Variants in HR observed in about 807,000 individuals in gnomAD.
HR encodes the protein HR lysine demethylase and nuclear receptor corepressor, also known as lysine-specific demethylase hairless.
In HR, 83 loss-of-function variants were observed where a neutral mutation model predicts 128.6. The observed-to-expected ratio is 0.65, with a 90% CI of 0.54 to 0.77. The LOEUF (loss-of-function observed/expected upper bound fraction) is 0.77, where lower values mean the gene tolerates loss of function less well. Among genes scored for constraint, HR ranks in the 30% least tolerant of loss-of-function variants. The pLI, the probability that HR is intolerant of heterozygous loss-of-function variation, is 0.00. For missense variants in HR, 1,490 were observed against 1,574.6 expected, an observed-to-expected ratio of 0.95 and a Z score of 0.91; for synonymous variants, 681 against 658.2, an observed-to-expected ratio of 1.03 and a Z score of -0.53.
At chr8:22,120,282 C>T (rs1358324124) in intron 12 of HR, 60 bp downstream of exon 12, 29 of 1,612,506 alleles carry the variant, frequency 1.8e-5, no homozygotes, top group Middle Eastern at 1.7e-4. Flanking sequence ...GACTCCTCTG[C>T]CACCCGATCC....
chr8:22,127,934 C>G, intron 2 of HR, 105 bp from the exon 3 acceptor site: 1 of 1,159,570 alleles, frequency 8.6e-7, no homozygotes, highest in Non-Finnish European at 1.3e-6. Context: ...TACTGAAGCC[C>G]TCACATTCTG....
At chr8:22,125,076 C>G (rs961491444) in intron 5 of HR, among the ~76,000 whole-genome samples, 1 of 152,260 alleles carries the variant, frequency 6.6e-6, no homozygotes, top group Non-Finnish European at 1.5e-5. Flanking sequence ...AGCTCCCCCA[C>G]CTCCCAGTGC....
At position 22,120,336 on chromosome 8, in the gene HR, A is replaced by T. The variant is rs1282075894; in HGVS notation, c.2776+6T>A. 1.2e-6 allele frequency: 2 copies of T among 1,613,704 alleles called. No homozygotes were observed. Among genetic ancestry groups the T allele is most frequent in the East Asian group, 2.2e-5 (1 of 44,858 alleles). On this transcript the variant is annotated splice_donor_region_variant and intron_variant, in intron 12 of 18. Coordinates refer to ENST00000381418, the MANE Select transcript of HR (RefSeq NM_005144.5). ...GCTCCCTCTCCCCTGTGTTGGGGACACTTACGCTCAGGCCAGGAGAAGCCC... is the reference window on the plus strand; with the variant it reads ...GCTCCCTCTCCCCTGTGTTGGGGACTCTTACGCTCAGGCCAGGAGAAGCCC...
rs139885496 is a variant in HR at position 22,127,147 on chromosome 8, G to T, written c.1295C>A (p.Pro432Gln). ...TTCTGCAGTGCCTGGAAAAGGGTCC[G>T]GTGGCCGCTTGGGGGCTGGACTGCC... ...AMGSPAPKRP[P>Q]DPFPGTAEQG... The change falls in exon 3 of 19, where the codon CCG becomes CAG. Residue 432 changes from proline (P) to glutamine (Q), a missense_variant. Physicochemically the swap from Pro to Gln is moderately conservative, Grantham distance 76 (BLOSUM62 -1). Around this residue, in one of 3 missense-constraint regions of HR, gnomAD observed 1,060 missense variants for 1,060.9 expected, o/e 1.00. Coordinates refer to ENST00000381418, the MANE Select transcript of HR (RefSeq NM_005144.5). 3.0e-5 allele frequency: 49 copies of T among 1,612,198 alleles called. No individual in the cohort carries two copies. The highest frequency in any genetic ancestry group is 4.0e-5 in the Non-Finnish European group (47 of 1,179,584).
rs1826720431 is a variant in HR at position 22,120,646 on chromosome 8, C to T, written c.2610+70G>A. On this transcript the variant is annotated intron_variant, in intron 11 of 18. Coordinates refer to ENST00000381418, the MANE Select transcript of HR (RefSeq NM_005144.5). ...CCCTGAGCCACTGGGTCTGTCTGGG[C>T]CTAGGGACCAAGGCCCCGAGGGGCA... The T allele has an allele frequency of 2.6e-6, 4 of 1,549,836 alleles. No homozygotes were observed. In the Admixed American group the frequency reaches 5.6e-5, roughly 22 times the overall value.
rs1237030510 is a variant in HR at position 22,120,404 on chromosome 8, C to A, written c.2714G>T (p.Gly905Val). ...GGQVQALSPL[G>V]PPQPSSLGST... is the part of the protein sequence containing the mutation. ...GCCCAGGCTGCTGGGCTGGGGAGGTCCGAGGGGGCTCAGCGCCTGCACCTG... is the reference window on the plus strand; with the variant it reads ...GCCCAGGCTGCTGGGCTGGGGAGGTACGAGGGGGCTCAGCGCCTGCACCTG... Residue 905 changes from glycine to valine, a missense_variant, in exon 12 of 19, where the codon GGA becomes GTA. Around this residue, in one of 3 missense-constraint regions of HR, gnomAD observed 423 missense variants for 495.9 expected, o/e 0.85. Coordinates refer to ENST00000381418, the MANE Select transcript of HR (RefSeq NM_005144.5). The A allele has an allele frequency of 1.9e-6, 3 of 1,613,812 alleles. No homozygotes were observed. The highest frequency in any genetic ancestry group is 2.5e-6 in the Non-Finnish European group (3 of 1,180,024).
chr8:22,116,184 C>T lies in HR; in HGVS notation c.3507+116G>A. 1 of 1,434,504 alleles carries T rather than the reference C, an allele frequency of 7.0e-7. No homozygotes were observed. The highest frequency in any genetic ancestry group is 9.7e-7 in the Non-Finnish European group (1 of 1,025,876). The allele number at this position is 1,434,504 out of a possible 1,614,324, so 88.9% of individuals were successfully genotyped here. On this transcript the variant is annotated intron_variant, in intron 18 of 18. Coordinates refer to ENST00000381418, the MANE Select transcript of HR (RefSeq NM_005144.5). This position sits in a 1 kb window ranked among gnomAD's most constrained non-coding sequence, Gnocchi z 4.2. ...ACAAAAGGAATACTCTGCCCCTGCA[C>T]AGGGTGGCTGCCTGCTTGGCACAGG...
At position 22,127,506 on chromosome 8, in the gene HR, T is replaced by A. The variant is rs1434692388; in HGVS notation, c.936A>T (p.Pro312=). 3 of 1,612,706 alleles carry A rather than the reference T, an allele frequency of 1.9e-6. No individual in the cohort carries two copies. Among genetic ancestry groups the A allele is most frequent in the Non-Finnish European group, 2.5e-6 (3 of 1,179,670 alleles). Residue 312 remains proline (P), a synonymous_variant, in exon 3 of 19, where the codon CCA becomes CCT. Transcript: ENST00000381418. ...CAGGCGGCTCAGGAGAGGGGCACCT[T>A]GGTGTTGCTGGTGGCCCCAGCTGGT... The part of the protein sequence containing the change: ...LGYQLGPPAT[P]RCPSPEPPVT...
At chr8:22,120,229 G>A (rs1826703225) in intron 12 of HR, 56 bp from the exon 13 acceptor site, 11 of 1,598,800 alleles carry the variant, frequency 6.9e-6, no homozygotes, top group Non-Finnish European at 7.7e-6. Context: ...CCCCTGCCCC[G>A]GCGGCAGCAA....
At chr8:22,118,925 G>A in intron 16 of HR, 25 bp downstream of exon 16, 1 of 1,593,320 alleles carries the variant, frequency 6.3e-7, no homozygotes, top group East Asian at 2.2e-5. Context: ...GGGGGGAAGG[G>A]GAGGGCTCCC....
rs955650245 is a variant in HR, at chr8:22,115,623, T to A, written c.*77A>T. ...GAAATCCCCAAGTCCCCTAGCGCCA[T>A]CCCCTGCTGAAGTTGTGCCTGGGCT... On this transcript the variant is annotated 3_prime_UTR_variant, in exon 19 of 19. Coordinates refer to ENST00000381418, the MANE Select transcript of HR (RefSeq NM_005144.5). 8.1e-7 allele frequency: 1 copy of A among 1,231,910 alleles called. No individual in the cohort carries two copies. The highest frequency in any genetic ancestry group is 1.2e-6 in the Non-Finnish European group (1 of 834,406). The allele number at this position is 1,231,910 out of a possible 1,614,324, so 76.3% of individuals were successfully genotyped here.
rs1826586034 is a variant in HR, at chr8:22,116,346, T to A, written c.3461A>T (p.His1154Leu). 7 of 1,612,970 alleles carry A rather than the reference T, an allele frequency of 4.3e-6. No individual in the cohort carries two copies. The highest frequency in any genetic ancestry group is 5.9e-6 in the Non-Finnish European group (7 of 1,179,902). Reference protein sequence around the residue: ...ETSALSAQLCHQGPSLPPDCH... With the variant: ...ETSALSAQLCLQGPSLPPDCH... Reference sequence around the variant, plus strand: ...GTCAGGGGGAAGGCTGGGTCCCTGGTGGCAGAGCTGAGCAGAGAGGGCAGA... The same window carrying A: ...GTCAGGGGGAAGGCTGGGTCCCTGGAGGCAGAGCTGAGCAGAGAGGGCAGA... Residue 1154 changes from histidine to leucine, a missense_variant, in exon 18 of 19, where the codon CAC becomes CTC. Transcript: ENST00000381418. The surrounding 1 kb of genome is among the most constrained non-coding windows in gnomAD (Gnocchi z 4.2).
Position 22,127,117 on chromosome 8 carries a change from C to T in HR, c.1325G>A (p.Gly442Glu). The change falls in exon 3 of 19, where the codon GGG becomes GAG. Residue 442 changes from glycine to glutamate, a missense_variant. Physicochemically the swap from Gly to Glu is moderately conservative, Grantham distance 98 (BLOSUM62 -2). Coordinates refer to ENST00000381418, the MANE Select transcript of HR (RefSeq NM_005144.5). Reference sequence around the variant, plus strand: ...CCGCACCTCCTGCCAACCCCCAGCCCCCTGTTCTGCAGTGCCTGGAAAAGG... The same window carrying T: ...CCGCACCTCCTGCCAACCCCCAGCCTCCTGTTCTGCAGTGCCTGGAAAAGG... The part of the protein sequence containing the change: ...PDPFPGTAEQ[G>E]AGGWQEVRDT... 1 of 1,611,476 alleles carries T rather than the reference C, an allele frequency of 6.2e-7. No homozygotes were observed. Among genetic ancestry groups the T allele is most frequent in the Non-Finnish European group, 8.5e-7 (1 of 1,178,966 alleles).
chr8:22,126,934 G>C (rs1826905592), intron 3 of HR, 103 bp downstream of exon 3: 17 of 1,170,292 alleles, frequency 1.5e-5, no homozygotes, highest in Non-Finnish European at 2.0e-5. Flanking sequence ...CTGACCACTG[G>C]TTGTGGTCCA....
At chr8:22,123,840 A>G (rs766897852) in intron 5 of HR, 27 bp from the exon 6 acceptor site, 3 of 1,583,754 alleles carry the variant, frequency 1.9e-6, no homozygotes, top group Non-Finnish European at 2.6e-6. Context: ...GAACAGGGTC[A>G]GAGGGTGAAG....
chr8:22,123,925 T>C, intron 5 of HR, 112 bp from the exon 6 acceptor site: 4 of 1,258,910 alleles, frequency 3.2e-6, no homozygotes, highest in Non-Finnish European at 4.5e-6. Flanking sequence ...GCAGCTTCCA[T>C]GGAGAGGGCC....
At chr8:22,123,616 A>AGGGGGGGGCG in intron 6 of HR, 33 bp downstream of exon 6, 1 of 562,348 alleles carries the variant, frequency 1.8e-6, no homozygotes, top group Non-Finnish European at 3.0e-6. Context: ...TGAGGGCTCC[A>AGGGGGGGGCG]TCCCGCCCTC....
chr8:22,119,659 G>T, intron 14 of HR, 101 bp downstream of exon 14: 1 of 1,329,910 alleles, frequency 7.5e-7, no homozygotes, highest in Non-Finnish European at 1.0e-6. Flanking sequence ...TCAGAGAAGC[G>T]CTTCAGGCCC....
intron 2 of HR, chr8:22,128,248 C>A: frequency 3.7e-6 from 2 of 537,828 alleles, no homozygotes; most frequent in Non-Finnish European, 6.7e-6. Flanking sequence ...GGGCCCTTGT[C>A]TGCCCACCCA....
Sources: allele counts gnomAD v4.1 joint callset (sites outside exome capture counted in the v4.1 genomes callset), GRCh38; gene constraint gnomAD v4.1.1; regional missense constraint gnomAD v4.1.1; non-coding constraint Gnocchi (gnomAD v3.1); transcripts MANE v1.5; gene names NCBI Gene and HGNC (gene_info 2026-07-23, HGNC 2026-07-21).